Variants in RORA observed in about 807,000 individuals in gnomAD.
The protein encoded by RORA is RAR related orphan receptor A, also known as nuclear receptor ROR-alpha.
Under a neutral mutation model 69.5 loss-of-function variants are expected in RORA, and 7 were observed. The observed-to-expected ratio is 0.10, with a 90% CI of 0.06 to 0.19. The LOEUF (loss-of-function observed/expected upper bound fraction) is 0.19, where lower values mean the gene tolerates loss of function less well. Ranked by LOEUF, RORA falls within the 10% of genes least tolerant of loss-of-function variation. The pLI, the probability that RORA is intolerant of heterozygous loss-of-function variation, is 1.00. For missense variants in RORA, 457 were observed against 663.0 expected (o/e 0.69, Z 3.41); for synonymous variants, 261 against 240.8 (o/e 1.08, Z -0.78).
chr15:60,936,120 G>A (rs1293004304), intron 1 of RORA, among the ~76,000 whole-genome samples: 2 of 152,188 alleles, frequency 1.3e-5, no homozygotes, highest in Non-Finnish European at 2.9e-5. Flanking sequence ...GAGTCCCTGT[G>A]CAAAGTTCCA....
chr15:61,194,673 C>A (rs1165840417), intron 1 of RORA, among the ~76,000 whole-genome samples: 1 of 152,012 alleles, frequency 6.6e-6, no homozygotes, highest in Non-Finnish European at 1.5e-5. Context: ...TTGAATGCAA[C>A]ATTGTACATT....
At chr15:60,647,354 T>G (rs993817915) in intron 2 of RORA, among the ~76,000 whole-genome samples, 7 of 152,174 alleles carry the variant, frequency 4.6e-5, no homozygotes, top group African/African-American at 1.7e-4. Context: ...AGACAGAGAC[T>G]TATGAAGCCC....
rs191995160 is a variant in RORA at position 60,655,332 on chromosome 15, C to T, written c.196+23325G>A. On this transcript the variant is annotated intron_variant, in intron 2 of 10. Coordinates refer to ENST00000335670, the MANE Select transcript of RORA (RefSeq NM_134261.3). ...CCAGATATCCATGGCAAGGCCCCAGCGGTTACAGAGTTGTGTTTGAGCCCT... is the reference window on the plus strand; with the variant it reads ...CCAGATATCCATGGCAAGGCCCCAGTGGTTACAGAGTTGTGTTTGAGCCCT... Among the ~76,000 whole-genome samples, 20 of 152,214 alleles carry T rather than the reference C, an allele frequency of 1.3e-4. 1 individual carries two copies. The highest frequency in any genetic ancestry group is 9.2e-4 in the Admixed American group (14 of 15,294).
At chr15:60,911,582 T>C (rs1488448878) in intron 1 of RORA, among the ~76,000 whole-genome samples, 4 of 152,170 alleles carry the variant, frequency 2.6e-5, no homozygotes, top group African/African-American at 9.7e-5. Flanking sequence ...AAGACAGGTT[T>C]AAAGTGCAAA....
rs201749952 is a variant in RORA, at chr15:61,065,534, C to CA, written c.166+163518dup. ...ATGAGGACATCAAAGGGGAATAAAA[C>CA]AAAAAAAAGGTATTCAAATAATATC... is the stretch of plus-strand genomic sequence containing the variant. On this transcript the variant is annotated intron_variant, in intron 1 of 10. Transcript: ENST00000335670. 3.5e-3 allele frequency among the ~76,000 whole-genome samples: 522 copies of CA among 151,024 alleles called. 2 individuals are homozygous for CA. The highest frequency in any genetic ancestry group is 0.011 in the African/African-American group (438 of 41,224).
intron 1 of RORA, among the ~76,000 whole-genome samples, chr15:60,946,225 TGACTCC>T (rs949887895): frequency 7.8e-5 from 11 of 140,574 alleles, no homozygotes; most frequent in African/African-American, 3.0e-4. Context: ...AAAACCAAAA[TGACTCC>T]GACTCCCTCT....
chr15:60,906,793 A>T, intron 1 of RORA, among the ~76,000 whole-genome samples: 1 of 152,222 alleles, frequency 6.6e-6, no homozygotes, highest in Non-Finnish European at 1.5e-5. Flanking sequence ...CATTCAGATT[A>T]TAAAAAAACT....
At chr15:60,588,619 C>T (rs1387532927) in intron 2 of RORA, among the ~76,000 whole-genome samples, 3 of 152,152 alleles carry the variant, frequency 2.0e-5, no homozygotes, top group African/African-American at 7.2e-5. Context: ...TTTATTGTGT[C>T]TCACTTGAGT....
At chr15:60,948,473 C>A (rs896133209) in intron 1 of RORA, among the ~76,000 whole-genome samples, 3 of 152,170 alleles carry the variant, frequency 2.0e-5, no homozygotes, top group Admixed American at 6.5e-5. Flanking sequence ...CAAATAGTAA[C>A]TAAAAATAGA....
chr15:60,938,927 C>G (rs1892607310), intron 1 of RORA, among the ~76,000 whole-genome samples: 1 of 152,212 alleles, frequency 6.6e-6, no homozygotes. Context: ...CTGGCCCATG[C>G]CCGGCTTCTT....
intron 1 of RORA, among the ~76,000 whole-genome samples, chr15:60,810,234 T>C (rs1210239066): frequency 2.6e-5 from 4 of 152,216 alleles, no homozygotes; most frequent in South Asian, 2.1e-4. Context: ...TTTGGTTAGA[T>C]AGAGAATTCT....
intron 1 of RORA, among the ~76,000 whole-genome samples, chr15:61,207,618 A>G (rs2079954169): frequency 6.6e-6 from 1 of 152,182 alleles, no homozygotes; most frequent in Non-Finnish European, 1.5e-5. Flanking sequence ...TTTCATCACA[A>G]TTACATTTGG....
intron 1 of RORA, among the ~76,000 whole-genome samples, chr15:60,978,328 A>G (rs888949129): frequency 1.3e-5 from 2 of 152,124 alleles, no homozygotes; most frequent in African/African-American, 4.8e-5. Context: ...AGAAATGTCT[A>G]TTCACACCCT....
chr15:61,134,187 A>C (rs1362587155), intron 1 of RORA, among the ~76,000 whole-genome samples: 1 of 152,204 alleles, frequency 6.6e-6, no homozygotes, highest in African/African-American at 2.4e-5. Context: ...TCAGAGTCTA[A>C]GAATTGGCTT....
intron 1 of RORA, among the ~76,000 whole-genome samples, chr15:61,164,080 G>A (rs1000830763): frequency 1.3e-4 from 20 of 152,106 alleles, no homozygotes; most frequent in African/African-American, 4.8e-4. Flanking sequence ...TCAAGAGAGT[G>A]TAGGTGTCTG....
At chr15:61,022,483 G>C (rs1474479893) in intron 1 of RORA, among the ~76,000 whole-genome samples, 6 of 152,116 alleles carry the variant, frequency 3.9e-5, no homozygotes. Context: ...TAAGAACAGA[G>C]CTCAAAGTTC....
intron 1 of RORA, among the ~76,000 whole-genome samples, chr15:60,828,364 C>G (rs1343219198): frequency 6.6e-6 from 1 of 152,092 alleles, no homozygotes; most frequent in Non-Finnish European, 1.5e-5. Context: ...TTGGGTTGGG[C>G]CCAAAGTACT....
In RORA at chr15:61,229,047, TC is replaced by T; in HGVS notation, c.166+5del. ...CCCCCTCCCCAGCCCCTCTCCAGCCTCCTACCTCTGCTGGTGCTGGAATAGC... is the reference window on the plus strand; with the variant it reads ...CCCCCTCCCCAGCCCCTCTCCAGCCTCTACCTCTGCTGGTGCTGGAATAGC... On this transcript the variant is annotated splice_donor_5th_base_variant and intron_variant, in intron 1 of 10. Transcript: ENST00000335670. 12 of 1,507,894 alleles carry T rather than the reference TC, an allele frequency of 8.0e-6. No individual in the cohort carries two copies. Among genetic ancestry groups the T allele is most frequent in the African/African-American group, 4.4e-5 (3 of 68,562 alleles). 93.4% of individuals were successfully genotyped at this position (1,507,894 alleles called of 1,614,324 possible). A position where few individuals can be genotyped will look rare whatever the true frequency, so the allele number is the denominator to read the frequency against.
intron 2 of RORA, among the ~76,000 whole-genome samples, chr15:60,648,055 G>A (rs1193541943): frequency 6.6e-6 from 1 of 152,194 alleles, no homozygotes; most frequent in Non-Finnish European, 1.5e-5. Context: ...ACTTCGATTG[G>A]CTAACTTAAT....
Sources: allele counts gnomAD v4.1 joint callset (sites outside exome capture counted in the v4.1 genomes callset), GRCh38; gene constraint gnomAD v4.1.1; transcripts MANE v1.5; gene names NCBI Gene and HGNC (gene_info 2026-07-23, HGNC 2026-07-21).